RPS6KA2: variants seen among roughly 807,000 people sequenced by gnomAD.
The protein encoded by RPS6KA2 is ribosomal protein S6 kinase alpha-2.
In RPS6KA2, 42 loss-of-function variants were observed where a neutral mutation model predicts 91.8. The ratio of observed to expected loss-of-function variants is 0.46; its 90% confidence interval spans 0.36 to 0.59. The LOEUF (loss-of-function observed/expected upper bound fraction) is 0.59. RPS6KA2 is among the 20% of genes least tolerant of loss of function. The pLI, the probability that RPS6KA2 is intolerant of heterozygous loss-of-function variation, is 0.00. For missense variants in RPS6KA2, 798 were observed against 978.5 expected, an observed-to-expected ratio of 0.82 and a Z score of 2.46; for synonymous variants, 414 against 393.6, an observed-to-expected ratio of 1.05 and a Z score of -0.61.
intron 2 of RPS6KA2, among the ~76,000 whole-genome samples, chr6:166,783,725 C>T (rs537566244): frequency 5.7e-5 from 8 of 139,668 alleles, no homozygotes; most frequent in African/African-American, 2.3e-4. Flanking sequence ...TATTTGTAAT[C>T]ACATACACGC....
chr6:166,629,643 T>C (rs945625307), upstream of RPS6KA2, among the ~76,000 whole-genome samples: 1 of 152,186 alleles, frequency 6.6e-6, no homozygotes, highest in Non-Finnish European at 1.5e-5. Context: ...ATCCAAATTA[T>C]CCTTACCAAA....
chr6:166,748,606 AT>A (rs1562416247), intron 2 of RPS6KA2, among the ~76,000 whole-genome samples: 4 of 30,486 alleles, frequency 1.3e-4, no homozygotes, highest in Non-Finnish European at 2.4e-4. Flanking sequence ...TCAGGCCCCC[AT>A]TTCCCTGGGC....
chr6:166,638,802 C>T (rs1160679668), intron 2 of RPS6KA2, among the ~76,000 whole-genome samples: 1 of 152,180 alleles, frequency 6.6e-6, no homozygotes, highest in African/African-American at 2.4e-5. Flanking sequence ...CCGGGCACTG[C>T]TGAACCCTCT....
chr6:166,506,244 C>T (rs1213699096), intron 5 of RPS6KA2, among the ~76,000 whole-genome samples: 1 of 152,194 alleles, frequency 6.6e-6, no homozygotes, highest in East Asian at 1.9e-4. Flanking sequence ...TGGTGCCCGC[C>T]CTGGACAACT....
chr6:166,709,330 T>A (rs993991199), intron 2 of RPS6KA2, among the ~76,000 whole-genome samples: 2 of 148,384 alleles, frequency 1.3e-5, no homozygotes, highest in Admixed American at 6.6e-5. Context: ...AAAATATCCT[T>A]AAAAATAAAC....
intron 2 of RPS6KA2, among the ~76,000 whole-genome samples, chr6:166,846,197 C>A (rs1292117037): frequency 1.3e-5 from 2 of 148,156 alleles, no homozygotes; most frequent in African/African-American, 4.9e-5. Flanking sequence ...TAACAAGCAG[C>A]AAGATTGAAG....
chr6:166,490,824 G>T lies in RPS6KA2; in HGVS notation c.748-83C>A. 1 of 998,186 alleles carries T rather than the reference G, an allele frequency of 1.0e-6. No homozygotes were observed. Among genetic ancestry groups the T allele is most frequent in the Non-Finnish European group, 1.5e-6 (1 of 648,578 alleles). The allele number at this position is 998,186 out of a possible 1,614,324, so 61.8% of individuals were successfully genotyped here. On this transcript the variant is annotated intron_variant, in intron 8 of 20. Coordinates refer to ENST00000265678, the MANE Select transcript of RPS6KA2 (RefSeq NM_021135.6). The surrounding 1 kb of genome is among the most constrained non-coding windows in gnomAD (Gnocchi z 4.2). ...GCAGAGTACCCCAGCAGGGCAGCCTGCTACCGTGTCCATTTCCTCATGCAA... is the reference window on the plus strand; with the variant it reads ...GCAGAGTACCCCAGCAGGGCAGCCTTCTACCGTGTCCATTTCCTCATGCAA...
At chr6:166,693,866 G>A (rs947575654) in intron 2 of RPS6KA2, among the ~76,000 whole-genome samples, 3 of 152,158 alleles carry the variant, frequency 2.0e-5, no homozygotes, top group African/African-American at 4.8e-5. Flanking sequence ...CACCCCTTAG[G>A]CACAGGTTAC....
chr6:166,468,917 G>C (rs1471827122), intron 11 of RPS6KA2, among the ~76,000 whole-genome samples: 1 of 151,324 alleles, frequency 6.6e-6, no homozygotes, highest in East Asian at 1.9e-4. Flanking sequence ...ACTCTATACT[G>C]TAGAGGGCAT....
chr6:166,725,177 G>GT (rs1244739179), intron 2 of RPS6KA2, among the ~76,000 whole-genome samples: 6 of 151,800 alleles, frequency 4.0e-5, no homozygotes, highest in Non-Finnish European at 8.8e-5. Flanking sequence ...CCTGGACTGA[G>GT]TAAAAAAAAG....
intron 2 of RPS6KA2, among the ~76,000 whole-genome samples, chr6:166,838,402 G>C (rs1189406505): frequency 6.6e-6 from 1 of 152,010 alleles, no homozygotes; most frequent in Non-Finnish European, 1.5e-5. Flanking sequence ...ATTTTTCAGA[G>C]AGCCATACTG....
rs774995280 is a variant in RPS6KA2, at chr6:166,859,728, G to C, written c.64-1469C>G. Among the ~76,000 whole-genome samples the C allele has an allele frequency of 7.2e-5, 11 of 152,152 alleles. 1 individual carries two copies. The highest frequency in any genetic ancestry group is 1.6e-4 in the Non-Finnish European group (11 of 68,030). On this transcript the variant is annotated intron_variant, in intron 1 of 21. Transcript: ENST00000503859. ...GACCCAGTTCAGTTCGGTTCTCTCA[G>C]ACTACAGATGAGAAAACAGGCCAGA... is the stretch of plus-strand genomic sequence containing the variant.
Position 166,430,445 on chromosome 6 carries a change from G to T in RPS6KA2, c.1581+8C>A. On this transcript the variant is annotated splice_region_variant and intron_variant, in intron 16 of 20. Transcript: ENST00000265678. ...CTCCCCGAAGGCTGCCCCAGGCATGGCTCCTACCCCCTGGGAATGGAGGTA... is the reference window on the plus strand; with the variant it reads ...CTCCCCGAAGGCTGCCCCAGGCATGTCTCCTACCCCCTGGGAATGGAGGTA... 1 of 1,604,834 alleles carries T rather than the reference G, an allele frequency of 6.2e-7. No homozygotes were observed. The highest frequency in any genetic ancestry group is 8.5e-7 in the Non-Finnish European group (1 of 1,174,268).
rs1032595532 is a variant in RPS6KA2 at position 166,448,196 on chromosome 6, G to T, written c.1332+528C>A. 6.6e-6 allele frequency among the ~76,000 whole-genome samples: 1 copy of T among 152,174 alleles called. No homozygotes were observed. Among genetic ancestry groups the T allele is most frequent in the African/African-American group, 2.4e-5 (1 of 41,424 alleles). The stretch of plus-strand genomic sequence containing the variant: ...CATTAGCTCTCTGCCAAAGTTTGTT[G>T]TAAGTAATACAAGCTTATTTATTTC... On this transcript the variant is annotated intron_variant, in intron 14 of 20. Coordinates refer to ENST00000265678, the MANE Select transcript of RPS6KA2 (RefSeq NM_021135.6). The surrounding 1 kb of genome is among the most constrained non-coding windows in gnomAD (Gnocchi z 4.7).
intron 2 of RPS6KA2, among the ~76,000 whole-genome samples, chr6:166,747,896 C>T (rs932823283): frequency 5.3e-5 from 8 of 152,218 alleles, no homozygotes; most frequent in African/African-American, 1.9e-4. Flanking sequence ...TCGACCTCTG[C>T]AGCTGTGAGA....
Position 166,757,125 on chromosome 6 carries a change from G to C in RPS6KA2, c.123+101075C>G, listed in dbSNP as rs1331811845. On this transcript the variant is annotated intron_variant, in intron 2 of 21. Transcript: ENST00000503859. Reference sequence around the variant, plus strand: ...AGGGCAAACTGCTAGCTCTTGAAGAGTTGGTTCTCTTCACCCAAAACTTTA... The same window carrying C: ...AGGGCAAACTGCTAGCTCTTGAAGACTTGGTTCTCTTCACCCAAAACTTTA... Among the ~76,000 whole-genome samples the C allele has an allele frequency of 3.3e-5, 5 of 152,136 alleles. No individual in the cohort carries two copies. In the East Asian group the frequency reaches 9.6e-4, roughly 29 times the overall value.
chr6:166,792,504 T>A (rs900714817), intron 2 of RPS6KA2, among the ~76,000 whole-genome samples: 1 of 151,932 alleles, frequency 6.6e-6, no homozygotes, highest in Non-Finnish European at 1.5e-5. Context: ...ACTCATTTTA[T>A]GAGGCCAGCA....
At chr6:166,667,762 C>T (rs1788355005) in intron 2 of RPS6KA2, among the ~76,000 whole-genome samples, 1 of 152,186 alleles carries the variant, frequency 6.6e-6, no homozygotes, top group African/African-American at 2.4e-5. Flanking sequence ...GGGGATCACA[C>T]CTTTAACACT....
chr6:166,616,531 G>A (rs1351521643), intron 1 of RPS6KA2, among the ~76,000 whole-genome samples: 1 of 152,208 alleles, frequency 6.6e-6, no homozygotes, highest in Non-Finnish European at 1.5e-5. Flanking sequence ...GTAGGTGCAT[G>A]GCGCACCTTC....
Sources: allele counts gnomAD v4.1 joint callset (sites outside exome capture counted in the v4.1 genomes callset), GRCh38; gene constraint gnomAD v4.1.1; non-coding constraint Gnocchi (gnomAD v3.1); transcripts MANE v1.5; gene names NCBI Gene and HGNC (gene_info 2026-07-23, HGNC 2026-07-21).